Variants in IFRD1 observed in about 807,000 individuals in gnomAD.
IFRD1 encodes the protein interferon-related developmental regulator 1.
In IFRD1, 35 loss-of-function variants were observed where a neutral mutation model predicts 52.9. That is an observed-to-expected ratio of 0.66 (90% CI 0.51 to 0.88). The LOEUF is 0.88. Among genes scored for constraint, IFRD1 ranks in the 40% least tolerant of loss-of-function variants. The probability of loss-of-function intolerance (pLI) is 0.00; values close to 1 mark genes in which losing one functional copy is unlikely to be tolerated. For synonymous variants in IFRD1, 184 were observed against 188.4 expected (o/e 0.98, Z 0.19); for missense variants, 517 against 550.8 (o/e 0.94, Z 0.61).
At chr7:112,450,933 G>A in intron 1 of IFRD1, 151 bp downstream of exon 1, 1 of 686,616 alleles carries the variant, frequency 1.5e-6, no homozygotes, top group Non-Finnish European at 2.6e-6. Context: ...ACAATTCCCA[G>A]CGTGCCCTGG....
intron 1 of IFRD1, chr7:112,452,218 G>A: frequency 9.3e-6 from 6 of 645,988 alleles, no homozygotes; most frequent in Non-Finnish European, 1.2e-5. Context: ...GGAGTGCGGT[G>A]TGGTGTGATC....
intron 8 of IFRD1, among the ~76,000 whole-genome samples, chr7:112,463,128 T>A (rs1222482197): frequency 2.0e-5 from 3 of 152,176 alleles, no homozygotes; most frequent in Non-Finnish European, 4.4e-5. Flanking sequence ...ATTCTTAAGA[T>A]ATGTGATTCA....
chr7:112,468,475 C>G (rs1379956158), intron 9 of IFRD1, among the ~76,000 whole-genome samples: 1 of 152,108 alleles, frequency 6.6e-6, no homozygotes, highest in Non-Finnish European at 1.5e-5. Context: ...TTGCCTACCC[C>G]TTAGACTCCA....
chr7:112,450,992 G>GT, intron 1 of IFRD1: 1 of 593,128 alleles, frequency 1.7e-6, no homozygotes. Context: ...CGGACTCTTG[G>GT]GCACCGGCCG....
At chr7:112,469,369 C>T (rs1221755954) in intron 9 of IFRD1, among the ~76,000 whole-genome samples, 3 of 152,000 alleles carry the variant, frequency 2.0e-5, no homozygotes, top group Non-Finnish European at 4.4e-5. Context: ...TTGGTTAATG[C>T]TGACTCTTAT....
upstream of IFRD1, among the ~76,000 whole-genome samples, chr7:112,446,711 G>A (rs756696242): frequency 1.3e-5 from 2 of 152,138 alleles, no homozygotes; most frequent in African/African-American, 2.4e-5. Context: ...ATATCAGGCA[G>A]AGGGAGGAGC....
At chr7:112,428,019 C>T (rs1206184807) in intron 1 of IFRD1, among the ~76,000 whole-genome samples, 1 of 151,998 alleles carries the variant, frequency 6.6e-6, no homozygotes, top group Non-Finnish European at 1.5e-5. Context: ...TATGAAGACC[C>T]CCAGGAAAAG....
intron 1 of IFRD1, among the ~76,000 whole-genome samples, chr7:112,454,438 C>T (rs182233535): frequency 3.1e-4 from 47 of 152,218 alleles, no homozygotes; most frequent in Admixed American, 1.7e-3. Context: ...GGTGATCTGC[C>T]GGCCTCAGCC....
chr7:112,444,760 G>A (rs191791850), intron 1 of IFRD1, among the ~76,000 whole-genome samples: 1 of 152,182 alleles, frequency 6.6e-6, no homozygotes, highest in Admixed American at 6.5e-5. Flanking sequence ...CCATGACTCT[G>A]GACATAAAAA....
In IFRD1 at chr7:112,472,201, G is replaced by C. The variant is rs1254554942; in HGVS notation, c.1042-18G>C. 1 of 1,613,404 alleles carries C rather than the reference G, an allele frequency of 6.2e-7. No homozygotes were observed. The highest frequency in any genetic ancestry group is 2.2e-5 in the East Asian group (1 of 44,830). ...CCATTTTAGTGCCTGTGGTAATTTT[G>C]GTTCTTCCATTGGTTAGGAACGGGA... On this transcript the variant is annotated intron_variant, in intron 9 of 11. Transcript: ENST00000403825.
At chr7:112,471,635 G>A (rs796067720) in intron 9 of IFRD1, among the ~76,000 whole-genome samples, 2 of 152,164 alleles carry the variant, frequency 1.3e-5, no homozygotes, top group African/African-American at 4.8e-5. Context: ...GCACTCCCAT[G>A]GTTACACCTT....
chr7:112,447,237 C>T (rs1795050201), upstream of IFRD1, among the ~76,000 whole-genome samples: 1 of 152,150 alleles, frequency 6.6e-6, no homozygotes, highest in Non-Finnish European at 1.5e-5. Flanking sequence ...AGTATACTTA[C>T]CCTGATGGTG....
intron 5 of IFRD1, 59 bp downstream of exon 5, chr7:112,459,077 C>A: frequency 7.2e-7 from 1 of 1,394,978 alleles, no homozygotes; most frequent in Non-Finnish European, 1.0e-6. Context: ...AGACGTGGTG[C>A]GCCTATAGTA....
intron 1 of IFRD1, among the ~76,000 whole-genome samples, chr7:112,443,862 CAAAA>C (rs34476872): frequency 9.6e-6 from 1 of 103,638 alleles, no homozygotes; most frequent in African/African-American, 3.4e-5. Context: ...AACTCTGTTT[CAAAA>C]AAAAAAAAAA....
intron 11 of IFRD1, among the ~76,000 whole-genome samples, chr7:112,473,066 G>GTATA: frequency 2.6e-5 from 1 of 38,206 alleles, no homozygotes; most frequent in Middle Eastern, 0.021. Context: ...GTGTGTGTGT[G>GTATA]TATATATGTG....
intron 4 of IFRD1, chr7:112,458,178 C>T (rs1024230744): frequency 6.6e-6 from 1 of 152,000 alleles, no homozygotes. Context: ...TTTAATTTAT[C>T]AGGTAATAAT....
chr7:112,461,784 G>A (rs773274509), intron 5 of IFRD1, 82 bp from the exon 6 acceptor site: 71 of 776,400 alleles, frequency 9.1e-5, no homozygotes, highest in South Asian at 2.3e-4. Flanking sequence ...ACATTTTCAC[G>A]TTGAATTATA....
intron 1 of IFRD1, among the ~76,000 whole-genome samples, chr7:112,429,812 T>C (rs1189929524): frequency 6.6e-6 from 1 of 152,226 alleles, no homozygotes; most frequent in Non-Finnish European, 1.5e-5. Context: ...GTTACAAAAA[T>C]TGCAGCTTGG....
At chr7:112,426,894 A>T (rs556061338) in intron 1 of IFRD1, among the ~76,000 whole-genome samples, 5 of 152,184 alleles carry the variant, frequency 3.3e-5, no homozygotes, top group Non-Finnish European at 7.3e-5. Context: ...TAAATTTACC[A>T]GTTACCTGGA....
Sources: gnomAD v4.1 joint callset for allele counts (sites outside exome capture counted in the v4.1 genomes callset) on GRCh38, gnomAD v4.1.1 for gene constraint, MANE v1.5 for transcripts, NCBI Gene and HGNC (gene_info 2026-07-23, HGNC 2026-07-21) for gene names.